MYO1D: variants seen among roughly 807,000 people sequenced by gnomAD.
MYO1D encodes myosin ID.
In MYO1D, 83 loss-of-function variants were observed where a neutral mutation model predicts 122.0. That is an observed-to-expected ratio of 0.68 (90% CI 0.57 to 0.82). MYO1D has a LOEUF of 0.82. Ranked by LOEUF, MYO1D falls within the 40% of genes least tolerant of loss-of-function variation. The pLI is 0.00. For synonymous variants in MYO1D, 464 were observed against 446.9 expected (o/e 1.04, Z -0.48); for missense variants, 1,157 against 1,269.5 (o/e 0.91, Z 1.35).
At chr17:32,716,143 T>C (rs1027080629) in intron 15 of MYO1D, among the ~76,000 whole-genome samples, 1 of 152,236 alleles carries the variant, frequency 6.6e-6, no homozygotes, top group African/African-American at 2.4e-5. Flanking sequence ...TGTAATGCGG[T>C]TGCCTCCTTC....
At chr17:32,847,567 T>C (rs757182527) in intron 1 of MYO1D, among the ~76,000 whole-genome samples, 1 of 152,198 alleles carries the variant, frequency 6.6e-6, no homozygotes, top group Non-Finnish European at 1.5e-5. Flanking sequence ...TAGGCTGGAG[T>C]GCAGTGGCAC....
intron 21 of MYO1D, among the ~76,000 whole-genome samples, chr17:32,549,496 A>G (rs2086992500): frequency 6.6e-6 from 1 of 152,242 alleles, no homozygotes; most frequent in African/African-American, 2.4e-5. Context: ...GGAGGGGCAT[A>G]GCACTGACTT....
intron 14 of MYO1D, among the ~76,000 whole-genome samples, chr17:32,736,589 A>G (rs2089704072): frequency 6.6e-6 from 1 of 152,198 alleles, no homozygotes. Context: ...TATTTAAGCT[A>G]CTAATTCAGG....
chr17:32,658,162 A>G (rs2088503710), intron 17 of MYO1D, among the ~76,000 whole-genome samples: 1 of 152,110 alleles, frequency 6.6e-6, no homozygotes, highest in Admixed American at 6.6e-5. Flanking sequence ...AGCATATGAG[A>G]TATATATTAA....
At chr17:32,775,432 T>C (rs923962192) in intron 4 of MYO1D, among the ~76,000 whole-genome samples, 1 of 152,172 alleles carries the variant, frequency 6.6e-6, no homozygotes, top group Non-Finnish European at 1.5e-5. Context: ...ATAATTAGGA[T>C]GTAAGATCAC....
At chr17:32,682,678 C>T (rs1251907294) in intron 16 of MYO1D, among the ~76,000 whole-genome samples, 5 of 98,626 alleles carry the variant, frequency 5.1e-5, no homozygotes, top group Non-Finnish European at 7.9e-5. Context: ...TCTGGCTGCC[C>T]TTAACATTTT....
At chr17:32,613,552 G>A (rs1327583338) in intron 20 of MYO1D, among the ~76,000 whole-genome samples, 4 of 152,046 alleles carry the variant, frequency 2.6e-5, no homozygotes, top group Non-Finnish European at 5.9e-5. Context: ...GAGGTGGGCA[G>A]ATCACGAGGT....
intron 6 of MYO1D, among the ~76,000 whole-genome samples, chr17:32,768,421 G>A (rs560056636): frequency 9.1e-4 from 139 of 152,278 alleles, no homozygotes; most frequent in African/African-American, 3.2e-3. Flanking sequence ...ATACAAGTGC[G>A]TAAACAGAAA....
chr17:32,759,219 T>C (rs1234188482), intron 10 of MYO1D, among the ~76,000 whole-genome samples: 3 of 152,118 alleles, frequency 2.0e-5, no homozygotes, highest in African/African-American at 7.2e-5. Flanking sequence ...CTTTGGTTTA[T>C]ATGCAGATAG....
chr17:32,787,586 T>C (rs1338311804), intron 1 of MYO1D, among the ~76,000 whole-genome samples: 1 of 152,120 alleles, frequency 6.6e-6, no homozygotes, highest in East Asian at 1.9e-4. Context: ...GCCTGGCTAA[T>C]TTTTATATTT....
chr17:32,594,590 T>C, intron 21 of MYO1D: 1 of 659,084 alleles, frequency 1.5e-6, no homozygotes, highest in Middle Eastern at 2.6e-4. Flanking sequence ...TTTATATTAT[T>C]GGCCTTTTCA....
intron 1 of MYO1D, among the ~76,000 whole-genome samples, chr17:32,856,303 ACT>A (rs1191313116): frequency 2.6e-5 from 4 of 151,818 alleles, no homozygotes; most frequent in East Asian, 1.9e-4. Context: ...TTTGCAGAAG[ACT>A]CTCTGTCCTC....
intron 21 of MYO1D, among the ~76,000 whole-genome samples, chr17:32,500,428 A>C (rs1909278985): frequency 6.6e-6 from 1 of 152,230 alleles, no homozygotes; most frequent in Non-Finnish European, 1.5e-5. Flanking sequence ...TCTGCTCCTT[A>C]GCAGAGAGAT....
chr17:32,809,173 A>G (rs980879613), intron 1 of MYO1D, among the ~76,000 whole-genome samples: 2 of 149,850 alleles, frequency 1.3e-5, no homozygotes, highest in African/African-American at 4.9e-5. Flanking sequence ...CCTGGAGTGC[A>G]GTTGTGCAAT....
intron 20 of MYO1D, among the ~76,000 whole-genome samples, chr17:32,618,566 C>T (rs970048310): frequency 2.0e-5 from 3 of 152,012 alleles, no homozygotes; most frequent in Admixed American, 6.6e-5. Context: ...AAATTAAATA[C>T]AAATTCCTCT....
At chr17:32,822,811 C>T (rs1478746643) in intron 1 of MYO1D, among the ~76,000 whole-genome samples, 2 of 151,680 alleles carry the variant, frequency 1.3e-5, no homozygotes, top group East Asian at 3.9e-4. Context: ...GCTCCTCAGT[C>T]GGGCCTCCGG....
At chr17:32,688,924 T>G (rs898502043) in intron 16 of MYO1D, among the ~76,000 whole-genome samples, 3 of 134,798 alleles carry the variant, frequency 2.2e-5, no homozygotes, top group African/African-American at 1.1e-4. Context: ...TTTTGAAGTG[T>G]GTGTGTGTGT....
intron 20 of MYO1D, among the ~76,000 whole-genome samples, chr17:32,631,921 T>C (rs1238291230): frequency 1.5e-5 from 2 of 131,838 alleles, no homozygotes; most frequent in Non-Finnish European, 3.4e-5. Flanking sequence ...CTCTGTTAGT[T>C]TGAAATTTTT....
intron 19 of MYO1D, among the ~76,000 whole-genome samples, chr17:32,649,172 T>G (rs1195076429): frequency 2.0e-5 from 3 of 152,224 alleles, no homozygotes; most frequent in Non-Finnish European, 4.4e-5. Flanking sequence ...GTTTTTTCAT[T>G]TAAAAAATTC....
Sources: allele counts gnomAD v4.1 joint callset (sites outside exome capture counted in the v4.1 genomes callset), GRCh38; gene constraint gnomAD v4.1.1; transcripts MANE v1.5; gene names NCBI Gene and HGNC (gene_info 2026-07-23, HGNC 2026-07-21).